HBP1: variants seen among roughly 807,000 people sequenced by gnomAD.
HBP1 encodes HMG box-containing protein 1.
In HBP1, 20 loss-of-function variants were observed where a neutral mutation model predicts 62.6. The ratio of observed to expected loss-of-function variants is 0.32; its 90% confidence interval spans 0.22 to 0.46. HBP1 has a LOEUF of 0.46. Among genes scored for constraint, HBP1 ranks in the 20% least tolerant of loss-of-function variants. HBP1 has a pLI of 1.00. For synonymous variants in HBP1, 232 were observed against 206.2 expected, an observed-to-expected ratio of 1.12 and a Z score of -1.07; for missense variants, 480 against 611.8, an observed-to-expected ratio of 0.78 and a Z score of 2.27.
rs149438616 is a variant in HBP1 at position 107,180,664 on chromosome 7, T to G, written c.169+602T>G. Among the ~76,000 whole-genome samples the G allele has an allele frequency of 2.0e-3, 297 of 152,306 alleles. 1 individual carries two copies. Among genetic ancestry groups the G allele is most frequent in the African/African-American group, 6.9e-3 (288 of 41,552 alleles). On this transcript the variant is annotated intron_variant, in intron 2 of 10. Transcript: ENST00000222574. ...TATATGGGGGTTTCCTTCATGTTTA[T>G]AAAAACCCTGGGGAGAAGATACAGC...
rs781238171 is a variant in HBP1 at position 107,180,003 on chromosome 7, G to A, written c.110G>A (p.Cys37Tyr). The stretch of plus-strand genomic sequence containing the variant: ...AATGACTCATTGGAGTTGCTGCAGT[G>A]TAATGAGAATTTGCCATCTTCACCT... ...GMNDSLELLQ[C>Y]NENLPSSPGY... Residue 37 changes from cysteine to tyrosine, a missense_variant, in exon 2 of 11, where the codon TGT becomes TAT. This residue lies in a region of HBP1 where 304 missense variants were observed against 330.9 expected (regional missense o/e 0.92). Transcript: ENST00000222574. 1.9e-6 allele frequency: 3 copies of A among 1,609,874 alleles called. No homozygotes were observed. In the South Asian group the frequency reaches 3.3e-5, roughly 18 times the overall value.
intron 8 of HBP1, among the ~76,000 whole-genome samples, chr7:107,195,326 G>T (rs113633154): frequency 6.6e-6 from 1 of 152,132 alleles, no homozygotes; most frequent in African/African-American, 2.4e-5. Flanking sequence ...CTGTCCTTAA[G>T]TTCCTTTAGC....
intron 2 of HBP1, among the ~76,000 whole-genome samples, chr7:107,181,421 A>G (rs1051015361): frequency 1.6e-4 from 24 of 152,212 alleles, no homozygotes; most frequent in African/African-American, 5.8e-4. Context: ...GCAGTGAGCT[A>G]TAATTGTACC....
chr7:107,170,215 A>G (rs1398161434), intron 1 of HBP1: 7 of 784,156 alleles, frequency 8.9e-6, no homozygotes, highest in Admixed American at 6.2e-5. Context: ...AAAAGGAGTT[A>G]TACATACTGG....
chr7:107,179,359 T>G (rs1797003047), intron 1 of HBP1, among the ~76,000 whole-genome samples: 1 of 152,208 alleles, frequency 6.6e-6, no homozygotes, highest in South Asian at 2.1e-4. Context: ...GATATTAATC[T>G]TTTGGGATTG....
chr7:107,187,492 C>G (rs1474336801), intron 6 of HBP1, among the ~76,000 whole-genome samples: 1 of 152,162 alleles, frequency 6.6e-6, no homozygotes, highest in Non-Finnish European at 1.5e-5. Flanking sequence ...TTTTTAATTT[C>G]TCCATCTCTC....
intron 1 of HBP1, among the ~76,000 whole-genome samples, chr7:107,175,469 GC>G (rs1796791014): frequency 6.6e-6 from 1 of 152,054 alleles, no homozygotes; most frequent in African/African-American, 2.4e-5. Context: ...TGATTTCAGA[GC>G]CCCTATTCTT....
At chr7:107,171,587 C>T (rs1417109915) in intron 1 of HBP1, among the ~76,000 whole-genome samples, 1 of 152,074 alleles carries the variant, frequency 6.6e-6, no homozygotes, top group Non-Finnish European at 1.5e-5. Flanking sequence ...TTACTACTGT[C>T]CCAGCACGGT....
intron 3 of HBP1, 93 bp downstream of exon 3, chr7:107,182,694 T>C (rs1400722561): frequency 1.3e-5 from 8 of 636,024 alleles, no homozygotes; most frequent in East Asian, 2.7e-5. Flanking sequence ...AGTAATACTT[T>C]AAATTATTAG....
At chr7:107,170,679 T>C (rs1796512134) in intron 1 of HBP1, among the ~76,000 whole-genome samples, 1 of 152,110 alleles carries the variant, frequency 6.6e-6, no homozygotes, top group Non-Finnish European at 1.5e-5. Flanking sequence ...TAGAATGAAG[T>C]TTTGATTTCA....
At chr7:107,193,247 T>C (rs1202731025) in intron 8 of HBP1, 2 of 152,226 alleles carry the variant, frequency 1.3e-5, no homozygotes, top group Non-Finnish European at 2.9e-5. Flanking sequence ...ATATATATAA[T>C]GTTAATTTAT....
chr7:107,188,920 G>C (rs1183907798), intron 6 of HBP1, among the ~76,000 whole-genome samples: 1 of 152,026 alleles, frequency 6.6e-6, no homozygotes. Flanking sequence ...TGTATTTTTA[G>C]CAAATACTCA....
chr7:107,191,797 A>G (rs1278902479), intron 8 of HBP1, among the ~76,000 whole-genome samples: 1 of 152,206 alleles, frequency 6.6e-6, no homozygotes, highest in Non-Finnish European at 1.5e-5. Context: ...AATAACCCTT[A>G]TATATGGTTT....
At chr7:107,178,905 G>A (rs1013314001) in intron 1 of HBP1, among the ~76,000 whole-genome samples, 2 of 152,028 alleles carry the variant, frequency 1.3e-5, no homozygotes, top group East Asian at 1.9e-4. Context: ...GTGGTGGCAC[G>A]CGCCTGTAAT....
In HBP1 at chr7:107,185,809, C is replaced by T; in HGVS notation, c.407C>T (p.Pro136Leu). 1.2e-6 allele frequency: 2 copies of T among 1,613,466 alleles called. No individual in the cohort carries two copies. Among genetic ancestry groups the T allele is most frequent in the Non-Finnish European group, 1.7e-6 (2 of 1,179,440 alleles). Residue 136 changes from proline to leucine, a missense_variant, in exon 4 of 11, where the codon CCT becomes CTT. Pro to Leu is a moderately conservative substitution (Grantham distance 98, BLOSUM62 -3). This residue lies in a region of HBP1 where 304 missense variants were observed against 330.9 expected (regional missense o/e 0.92). Transcript: ENST00000222574. ...CTGTTGCTTTATTTTAGATCATCTC[C>T]TGTACACATCATAGCCACTAGCAAA... is the stretch of plus-strand genomic sequence containing the variant. ...MQCSFYNRSS[P>L]VHIIATSKSL...
intron 2 of HBP1, among the ~76,000 whole-genome samples, chr7:107,181,809 T>C (rs1797119094): frequency 6.6e-6 from 1 of 152,006 alleles, no homozygotes; most frequent in African/African-American, 2.4e-5. Flanking sequence ...GTGCTTGGTG[T>C]GTGCATGAGT....
At chr7:107,192,771 T>C (rs866353316) in intron 8 of HBP1, 18 of 152,176 alleles carry the variant, frequency 1.2e-4, no homozygotes, top group African/African-American at 3.4e-4. Flanking sequence ...ATTTTACTGT[T>C]GAGTGACTTC....
intron 1 of HBP1, among the ~76,000 whole-genome samples, chr7:107,171,073 A>ATATATATATATAT: frequency 2.4e-4 from 21 of 87,200 alleles, no homozygotes; most frequent in African/African-American, 1.3e-3. Flanking sequence ...ATATATATAT[A>ATATATATATATAT]TTTTTTTTTT....
chr7:107,186,154 TTCTTTTTTTTTC>T (rs1272846323), intron 4 of HBP1, among the ~76,000 whole-genome samples, 195 bp from the exon 5 acceptor site: 1 of 143,690 alleles, frequency 7.0e-6, no homozygotes, highest in African/African-American at 2.6e-5. Flanking sequence ...TGTCTTTTTT[TTCTTTTTTTTTC>T]TTTTTTTTTT....
Sources: gnomAD v4.1 joint callset for allele counts (sites outside exome capture counted in the v4.1 genomes callset) on GRCh38, gnomAD v4.1.1 for gene constraint, gnomAD v4.1.1 regional missense constraint, MANE v1.5 for transcripts, NCBI Gene and HGNC (gene_info 2026-07-23, HGNC 2026-07-21) for gene names.